CRYBG1: variants seen among roughly 807,000 people sequenced by gnomAD.
CRYBG1 encodes the protein crystallin beta-gamma domain containing 1.
A neutral mutation model predicts 189.2 loss-of-function variants in CRYBG1; 139 were observed. The ratio of observed to expected loss-of-function variants is 0.73; its 90% CI spans 0.64 to 0.85. The LOEUF (loss-of-function observed/expected upper bound fraction) is 0.85, where lower values mean the gene tolerates loss of function less well. CRYBG1 is among the 40% of genes least tolerant of loss of function. The pLI, the probability that CRYBG1 is intolerant of heterozygous loss-of-function variation, is 0.00. For synonymous variants in CRYBG1, 1,023 were observed against 1,017.1 expected, an observed-to-expected ratio of 1.01 and a Z score of -0.11; for missense variants, 2,611 against 2,675.8, an observed-to-expected ratio of 0.98 and a Z score of 0.53.
At chr6:106,423,649 A>T (rs555262030) in intron 1 of CRYBG1, among the ~76,000 whole-genome samples, 5 of 148,578 alleles carry the variant, frequency 3.4e-5, no homozygotes, top group African/African-American at 1.2e-4. Flanking sequence ...TTACTTTTTA[A>T]ATCTCCTCTT....
intron 1 of CRYBG1, among the ~76,000 whole-genome samples, chr6:106,382,998 A>AT (rs1770315524): frequency 6.6e-6 from 1 of 152,208 alleles, no homozygotes; most frequent in Admixed American, 6.6e-5. Context: ...AAATCCTGCA[A>AT]TTTTTTGTGT....
chr6:106,530,030 A>T, intron 7 of CRYBG1, 146 bp from the exon 8 acceptor site: 4 of 656,960 alleles, frequency 6.1e-6, no homozygotes, highest in Non-Finnish European at 7.0e-6. Context: ...GAAAACAGGA[A>T]AGGGCTAAAA....
Position 106,368,100 on chromosome 6 carries a change from A to G in CRYBG1, c.173+7019A>G, listed in dbSNP as rs1003793583. 3.3e-5 allele frequency among the ~76,000 whole-genome samples: 5 copies of G among 152,094 alleles called. No homozygotes were observed. The East Asian group carries it at 9.6e-4, about 29-fold the overall frequency. On this transcript the variant is annotated intron_variant, in intron 1 of 21. Coordinates refer to ENST00000633556, the MANE Select transcript of CRYBG1 (RefSeq NM_001371242.2). ...TTCCTAATAGTCATTCAAAATACAT[A>G]TCTTACTATGAACATTAAAAATACA... is the stretch of plus-strand genomic sequence containing the variant.
Position 106,571,805 on chromosome 6 carries a change from C to A in CRYBG1, c.*3239C>A. 5.9e-6 allele frequency: 3 copies of A among 505,026 alleles called. No homozygotes were observed. Among genetic ancestry groups the A allele is most frequent in the Non-Finnish European group, 7.1e-6 (2 of 282,248 alleles). The allele number at this position is 505,026 out of a possible 1,614,324, so 31.3% of individuals were successfully genotyped here. A position where few individuals can be genotyped will look rare whatever the true frequency, so the allele number is the denominator to read the frequency against. On this transcript the variant is annotated 3_prime_UTR_variant, in exon 22 of 22. Coordinates refer to ENST00000633556, the MANE Select transcript of CRYBG1 (RefSeq NM_001371242.2). The stretch of plus-strand genomic sequence containing the variant: ...AAAAACTTCGAATTTCTACTGACTA[C>A]AGACAAATCCAAGTGCTGATATTTT...
chr6:106,433,747 ATATATATATGTG>A (rs1562305838), intron 1 of CRYBG1, among the ~76,000 whole-genome samples: 6 of 31,070 alleles, frequency 1.9e-4, no homozygotes, highest in African/African-American at 6.7e-4. Flanking sequence ...ATATATATGT[ATATATATATGTG>A]TATATATATA....
At chr6:106,488,874 C>A (rs1285255623) in intron 2 of CRYBG1, among the ~76,000 whole-genome samples, 2 of 152,140 alleles carry the variant, frequency 1.3e-5, no homozygotes, top group Non-Finnish European at 2.9e-5. Flanking sequence ...TGGTGGAAGG[C>A]AGTGTACACT....
At position 106,571,413 on chromosome 6, in the gene CRYBG1, G is replaced by T. The variant is rs7357031; in HGVS notation, c.*2847G>T. On this transcript the variant is annotated 3_prime_UTR_variant, in exon 22 of 22. Transcript: ENST00000633556. ...AAGTTTTAGTATTGTACATTAAGAC[G>T]ATCAGGCCCAGCAGGGTGGTTCACG... The T allele has an allele frequency of 0.054, 8,241 of 152,506 alleles. 321 individuals are homozygous for T. Among genetic ancestry groups the T allele is most frequent in the Middle Eastern group, 0.1 (30 of 292 alleles). The allele number at this position is 152,506 out of a possible 1,614,324, so 9.4% of individuals were successfully genotyped here. A position where few individuals can be genotyped will look rare whatever the true frequency, so the allele number is the denominator to read the frequency against.
In CRYBG1 at chr6:106,519,653, G is replaced by A. The variant is rs750686623; in HGVS notation, c.2445G>A (p.Lys815=). ...TCAAGGATCATAAGCTCTTAGAGAA[G>A]GAGGACTCAGAGGCTGCAGACAGCA... ...IPVKDHKLLE[K]EDSEAADSKS... The change falls in exon 4 of 22, where the codon AAG becomes AAA. Residue 815 remains lysine, a synonymous_variant. Coordinates refer to ENST00000633556, the MANE Select transcript of CRYBG1 (RefSeq NM_001371242.2). The A allele has an allele frequency of 2.5e-6, 4 of 1,614,098 alleles. No homozygotes were observed. Among genetic ancestry groups the A allele is most frequent in the Non-Finnish European group, 3.4e-6 (4 of 1,179,938 alleles).
At position 106,361,075 on chromosome 6, in the gene CRYBG1, A is replaced by G; in HGVS notation, c.167A>G (p.Glu56Gly). The G allele has an allele frequency of 6.5e-7, 1 of 1,534,674 alleles. No individual in the cohort carries two copies. The highest frequency in any genetic ancestry group is 8.7e-7 in the Non-Finnish European group (1 of 1,146,426). The change falls in exon 1 of 22, where the codon GAG (glutamate) becomes GGG (glycine). Residue 56 changes from glutamate to glycine, a missense_variant. Around this residue, in one of 3 missense-constraint regions of CRYBG1, gnomAD observed 985 missense variants for 924.4 expected, o/e 1.07. Coordinates refer to ENST00000633556, the MANE Select transcript of CRYBG1 (RefSeq NM_001371242.2). ...CACCCGCTCCCGGCGCCTGCCGGAG[A>G]GGCCAGGTGAGCTCCTCGCCCGAGC... ...VPHPLPAPAG[E>G]ARALDVVDGK...
chr6:106,517,205 C>T (rs1318004286), intron 3 of CRYBG1, among the ~76,000 whole-genome samples: 1 of 149,964 alleles, frequency 6.7e-6, no homozygotes, highest in Non-Finnish European at 1.5e-5. Flanking sequence ...GAGACTGGGT[C>T]TCAGTATGTT....
At chr6:106,508,754 G>T (rs544402783) in intron 2 of CRYBG1, among the ~76,000 whole-genome samples, 1 of 152,198 alleles carries the variant, frequency 6.6e-6, no homozygotes, top group East Asian at 1.9e-4. Context: ...CCAGTTTTTA[G>T]CTATTATGAA....
chr6:106,539,369 G>T, intron 8 of CRYBG1, 34 bp from the exon 9 acceptor site: 1 of 1,609,530 alleles, frequency 6.2e-7, no homozygotes, highest in Non-Finnish European at 8.5e-7. Context: ...TGATGAGTCG[G>T]CTCCCTTTCT....
intron 2 of CRYBG1, among the ~76,000 whole-genome samples, chr6:106,494,599 G>T (rs943074798): frequency 6.6e-6 from 1 of 152,162 alleles, no homozygotes; most frequent in Admixed American, 6.5e-5. Flanking sequence ...TTTTGTGGAA[G>T]AATGTAACTT....
rs1392633222 is a variant in CRYBG1, at chr6:106,511,958, C to T, written c.841C>T (p.Pro281Ser). ...CCGCAGTCCGGGGGAGGACGCTTCA[C>T]CAGGTGCTGGCCACGAACAGGAGGC... is the stretch of plus-strand genomic sequence containing the variant. ...PARSPGEDAS[P>S]GAGHEQEAFL... The change falls in exon 3 of 22, where the codon CCA (proline) becomes TCA (serine). Residue 281 changes from proline to serine, a missense_variant. Pro to Ser is a moderately conservative substitution (Grantham distance 74). Transcript: ENST00000633556. 1.3e-6 allele frequency: 2 copies of T among 1,528,518 alleles called. No individual in the cohort carries two copies. The highest frequency in any genetic ancestry group is 8.8e-7 in the Non-Finnish European group (1 of 1,142,364). The allele number at this position is 1,528,518 out of a possible 1,614,324, so 94.7% of individuals were successfully genotyped here. A position where few individuals can be genotyped will look rare whatever the true frequency, so the allele number is the denominator to read the frequency against.
chr6:106,391,703 C>T (rs540797777), intron 1 of CRYBG1, among the ~76,000 whole-genome samples: 9 of 152,088 alleles, frequency 5.9e-5, no homozygotes, highest in Non-Finnish European at 1.2e-4. Flanking sequence ...ATGAAGTGAG[C>T]GGAGAGTGAG....
intron 2 of CRYBG1, among the ~76,000 whole-genome samples, chr6:106,502,330 G>A (rs1384050451): frequency 2.0e-5 from 3 of 152,046 alleles, no homozygotes; most frequent in African/African-American, 7.2e-5. Flanking sequence ...GTACTTTCTG[G>A]GTTACAAGTT....
rs566005286 is a variant in CRYBG1 at position 106,462,370 on chromosome 6, G to A, written c.312+10538G>A. Among the ~76,000 whole-genome samples the A allele has an allele frequency of 4.0e-5, 6 of 151,814 alleles. No individual in the cohort carries two copies. The East Asian group carries it at 1.2e-3, about 30-fold the overall frequency. On this transcript the variant is annotated intron_variant, in intron 2 of 21. Coordinates refer to ENST00000633556, the MANE Select transcript of CRYBG1 (RefSeq NM_001371242.2). ...TATTTTTAGTAGAGACAGGGTTTAC[G>A]CCGTGGTCTCGATCTCCTGACCTCG...
chr6:106,483,495 T>A (rs1582788857), intron 2 of CRYBG1, among the ~76,000 whole-genome samples: 1 of 151,504 alleles, frequency 6.6e-6, no homozygotes, highest in African/African-American at 2.4e-5. Flanking sequence ...AACATGGGAG[T>A]GCAGATACCA....
chr6:106,490,094 T>C (rs973118855), intron 2 of CRYBG1, among the ~76,000 whole-genome samples: 1 of 152,230 alleles, frequency 6.6e-6, no homozygotes, highest in Admixed American at 6.5e-5. Flanking sequence ...TTAGTCCACA[T>C]TACAGTTGTC....
Sources: gnomAD v4.1 joint callset for allele counts (sites outside exome capture counted in the v4.1 genomes callset) on GRCh38, gnomAD v4.1.1 for gene constraint, gnomAD v4.1.1 regional missense constraint, MANE v1.5 for transcripts, NCBI Gene and HGNC (gene_info 2026-07-23, HGNC 2026-07-21) for gene names.